The following DLG1 variants were observed in gnomAD, a reference collection of about 807,000 sequenced individuals.
DLG1 encodes the protein discs large MAGUK scaffold protein 1.
DLG1 carries 42 observed loss-of-function variants against 123.4 expected under a neutral mutation model. That is an observed-to-expected ratio of 0.34 (90% CI 0.27 to 0.44). The LOEUF (loss-of-function observed/expected upper bound fraction) is 0.44. Ranked by LOEUF, DLG1 falls within the 20% of genes least tolerant of loss-of-function variation. The pLI is 1.00. For synonymous variants in DLG1, 317 were observed against 356.2 expected (o/e 0.89, Z 1.24); for missense variants, 942 against 1,082.6 (o/e 0.87, Z 1.82).
chr3:197,250,895 G>C (rs1175179296), intron 4 of DLG1, among the ~76,000 whole-genome samples: 2 of 147,360 alleles, frequency 1.4e-5, no homozygotes, highest in East Asian at 4.2e-4. Context: ...TCAGGAGGCT[G>C]TGAAGAGAAC....
intron 23 of DLG1, among the ~76,000 whole-genome samples, chr3:197,053,423 T>C (rs1225671381): frequency 1.3e-5 from 2 of 152,214 alleles, no homozygotes; most frequent in African/African-American, 4.8e-5. Flanking sequence ...TTAAATTTTT[T>C]TTTTTTCCTT....
intron 14 of DLG1, among the ~76,000 whole-genome samples, chr3:197,100,321 T>A (rs1021771854): frequency 6.6e-6 from 1 of 152,208 alleles, no homozygotes; most frequent in African/African-American, 2.4e-5. Flanking sequence ...AAGATTTCAA[T>A]CAAAGCTTTG....
At position 197,194,459 on chromosome 3, in the gene DLG1, C is replaced by T; in HGVS notation, c.449G>A (p.Gly150Glu). The T allele has an allele frequency of 1.3e-6, 2 of 1,599,788 alleles. No individual in the cohort carries two copies. The highest frequency in any genetic ancestry group is 1.7e-6 in the Non-Finnish European group (2 of 1,174,284). The change falls in exon 5 of 25, where the codon GGA (glycine) becomes GAA (glutamate). Residue 150 changes from glycine (G) to glutamate (E), a missense_variant. By Grantham distance (98) the Gly-to-Glu change is moderately conservative. Coordinates refer to ENST00000667157, the MANE Select transcript of DLG1 (RefSeq NM_001366207.1). ...KNLSEIENVHGFVSHSHISPI... is the reference protein window; with the variant it reads ...KNLSEIENVHEFVSHSHISPI... ...TGAAATATGAGAATGAGAAACAAATCCATGGACATTCTCAATCTCTGATAA... is the reference window on the plus strand; with the variant it reads ...TGAAATATGAGAATGAGAAACAAATTCATGGACATTCTCAATCTCTGATAA...
chr3:197,270,226 T>C (rs1763357835), intron 4 of DLG1, among the ~76,000 whole-genome samples: 1 of 152,202 alleles, frequency 6.6e-6, no homozygotes, highest in South Asian at 2.1e-4. Context: ...TAGTAAAGCA[T>C]ATCCTAAGAA....
At chr3:197,155,863 C>A (rs563421072) in intron 5 of DLG1, among the ~76,000 whole-genome samples, 1 of 152,056 alleles carries the variant, frequency 6.6e-6, no homozygotes, top group African/African-American at 2.4e-5. Context: ...GCGGGAGAAT[C>A]GATTGGGCCC....
chr3:197,148,298 T>C (rs1282836154), intron 6 of DLG1, among the ~76,000 whole-genome samples: 1 of 131,942 alleles, frequency 7.6e-6, no homozygotes, highest in Non-Finnish European at 1.6e-5. Context: ...TGTTCCCAAC[T>C]ACATGGGAGG....
Position 197,288,743 on chromosome 3 carries a change from A to AATAC in DLG1, c.152-5902_152-5899dup, listed in dbSNP as rs57200229. ...TCAAAAAAAAAAAAAAAAAAAAAAA[A>AATAC]ATACATACATACATACATACATACA... On this transcript the variant is annotated intron_variant, in intron 3 of 24. Transcript: ENST00000667157. Among the ~76,000 whole-genome samples the AATAC allele has an allele frequency of 2.5e-3, 177 of 72,094 alleles. 1 individual carries two copies. Among genetic ancestry groups the AATAC allele is most frequent in the African/African-American group, 0.01 (141 of 13,702 alleles). 47.3% of individuals were successfully genotyped at this position (72,094 alleles called of 152,430 possible). A position where few individuals can be genotyped will look rare whatever the true frequency, so the allele number is the denominator to read the frequency against.
intron 16 of DLG1, 84 bp from the exon 17 acceptor site, chr3:197,081,201 T>C (rs886083339): frequency 1.4e-5 from 18 of 1,290,024 alleles, no homozygotes; most frequent in Admixed American, 2.2e-5. Context: ...GTTATCTTTA[T>C]AATGGGCATT....
At chr3:197,206,655 A>G (rs1728668734) in intron 4 of DLG1, among the ~76,000 whole-genome samples, 2 of 152,114 alleles carry the variant, frequency 1.3e-5, no homozygotes, top group Admixed American at 6.6e-5. Flanking sequence ...GAAACACATC[A>G]TTTGCATTAA....
chr3:197,058,278 C>T (rs1457634846), intron 23 of DLG1, among the ~76,000 whole-genome samples: 1 of 152,180 alleles, frequency 6.6e-6, no homozygotes, highest in Non-Finnish European at 1.5e-5. Flanking sequence ...TTGTGCCCCG[C>T]CTTCTTTTTC....
chr3:197,272,353 GA>G (rs139031522), intron 4 of DLG1, among the ~76,000 whole-genome samples: 5 of 135,884 alleles, frequency 3.7e-5, no homozygotes, highest in Non-Finnish European at 6.4e-5. Flanking sequence ...CTCCTCTAAG[GA>G]AAAAAAAAAG....
At position 197,170,070 on chromosome 3, in the gene DLG1, G is replaced by A. The variant is rs150447962; in HGVS notation, c.484-20274C>T. On this transcript the variant is annotated intron_variant, in intron 5 of 24. Coordinates refer to ENST00000667157, the MANE Select transcript of DLG1 (RefSeq NM_001366207.1). ...GATGACGCCCTCCAGCTCCACCCAT[G>A]TTTCTGCAAAGGACAAGATCTCATT... 2.9e-3 allele frequency among the ~76,000 whole-genome samples: 437 copies of A among 152,250 alleles called. 3 individuals are homozygous for A. The highest frequency in any genetic ancestry group is 5.8e-3 in the South Asian group (28 of 4,820).
intron 5 of DLG1, among the ~76,000 whole-genome samples, chr3:197,180,658 C>T (rs895673707): frequency 3.3e-5 from 5 of 152,024 alleles, no homozygotes; most frequent in African/African-American, 1.2e-4. Context: ...ATTTGGTTAT[C>T]ACTACTGAGT....
At chr3:197,256,227 G>GT (rs1561718671) in intron 4 of DLG1, among the ~76,000 whole-genome samples, 2 of 152,352 alleles carry the variant, frequency 1.3e-5, no homozygotes, top group East Asian at 3.9e-4. Flanking sequence ...AGTCTAGAGA[G>GT]TAAGTATTTT....
chr3:197,112,703 G>A (rs967756879), intron 13 of DLG1, among the ~76,000 whole-genome samples: 1 of 151,790 alleles, frequency 6.6e-6, no homozygotes, highest in Non-Finnish European at 1.5e-5. Context: ...TGATCCTCCT[G>A]CCTTAGCCTC....
intron 6 of DLG1, among the ~76,000 whole-genome samples, chr3:197,144,533 T>TTAA (rs1333534445): frequency 1.3e-5 from 2 of 152,212 alleles, no homozygotes; most frequent in African/African-American, 4.8e-5. Flanking sequence ...TTTAAGCCCC[T>TTAA]AAGCTTCAGG....
chr3:197,065,718 G>T lies in DLG1; in HGVS notation c.2190C>A (p.Ser730=). 1 of 1,606,994 alleles carries T rather than the reference G, an allele frequency of 6.2e-7. No homozygotes were observed. Among genetic ancestry groups the T allele is most frequent in the South Asian group, 1.1e-5 (1 of 90,422 alleles). The change falls in exon 21 of 25, where the codon TCC becomes TCA. Residue 730 remains serine, a synonymous_variant. Coordinates refer to ENST00000667157, the MANE Select transcript of DLG1 (RefSeq NM_001366207.1). ...GTTTGGTTTACTTACGAGGAACACA[G>T]GATCCAAATTTGTCAGGAAATTCTG... The part of the protein sequence containing the change: ...LISEFPDKFG[S]CVPHTTRPKR...
intron 18 of DLG1, among the ~76,000 whole-genome samples, chr3:197,075,101 T>G (rs1746320900): frequency 1.3e-5 from 2 of 152,080 alleles, no homozygotes; most frequent in East Asian, 3.9e-4. Flanking sequence ...AAAAATTTTA[T>G]TTGCTAAAAT....
At chr3:197,074,412 T>TA (rs1365550781) in intron 18 of DLG1, among the ~76,000 whole-genome samples, 1 of 152,128 alleles carries the variant, frequency 6.6e-6, no homozygotes, top group Non-Finnish European at 1.5e-5. Context: ...GGTCAAGGTA[T>TA]AATGATCATC....
Sources: allele counts gnomAD v4.1 joint callset (sites outside exome capture counted in the v4.1 genomes callset), GRCh38; gene constraint gnomAD v4.1.1; transcripts MANE v1.5; gene names NCBI Gene and HGNC (gene_info 2026-07-23, HGNC 2026-07-21).